The following GRM8 variants were observed in gnomAD, a reference collection of about 807,000 sequenced individuals.
GRM8 encodes glutamate metabotropic receptor 8.
A neutral mutation model predicts 87.2 loss-of-function variants in GRM8; 47 were observed. The observed-to-expected ratio is 0.54, with a 90% CI of 0.43 to 0.69. The LOEUF (loss-of-function observed/expected upper bound fraction) is 0.69. GRM8 is among the 30% of genes least tolerant of loss of function. The pLI is 0.00. For missense variants in GRM8, 1,019 were observed against 1,139.2 expected (o/e 0.89, Z 1.52); for synonymous variants, 396 against 404.5 (o/e 0.98, Z 0.25).
At chr7:127,033,788 C>A (rs1034748591) in intron 3 of GRM8, among the ~76,000 whole-genome samples, 1 of 152,170 alleles carries the variant, frequency 6.6e-6, no homozygotes, top group Non-Finnish European at 1.5e-5. Flanking sequence ...CAATCACCCT[C>A]ATATAAATTC....
At chr7:126,719,063 G>C (rs185743614) in intron 7 of GRM8, among the ~76,000 whole-genome samples, 12 of 152,274 alleles carry the variant, frequency 7.9e-5, no homozygotes, top group Admixed American at 7.8e-4. Flanking sequence ...TCAATTCTTA[G>C]ATTAGCTACT....
chr7:126,800,977 A>C (rs1465726972), intron 6 of GRM8, among the ~76,000 whole-genome samples: 1 of 152,106 alleles, frequency 6.6e-6, no homozygotes, highest in Non-Finnish European at 1.5e-5. Flanking sequence ...ATATGGAAAA[A>C]GCTGCTTAAA....
chr7:126,446,731 GT>G (rs1802062992), intron 9 of GRM8, among the ~76,000 whole-genome samples: 1 of 151,974 alleles, frequency 6.6e-6, no homozygotes, highest in African/African-American at 2.4e-5. Context: ...GAAGGTACTA[GT>G]GGGCCAAGTG....
At chr7:127,018,295 A>T (rs1253967743) in intron 3 of GRM8, among the ~76,000 whole-genome samples, 2 of 152,024 alleles carry the variant, frequency 1.3e-5, no homozygotes, top group Non-Finnish European at 2.9e-5. Context: ...ATAAAAAATA[A>T]TAATAAGGAA....
At chr7:127,018,574 C>T (rs1167646811) in intron 3 of GRM8, among the ~76,000 whole-genome samples, 1 of 151,958 alleles carries the variant, frequency 6.6e-6, no homozygotes, top group Non-Finnish European at 1.5e-5. Context: ...CAGAACCCCA[C>T]ATTTTTTAAG....
chr7:127,229,466 A>G (rs1313442888), intron 2 of GRM8: 1 of 152,226 alleles, frequency 6.6e-6, no homozygotes, highest in African/African-American at 2.4e-5. Context: ...CTACATGAAT[A>G]TAAATGAAAT....
intron 6 of GRM8, among the ~76,000 whole-genome samples, chr7:126,824,024 C>T (rs2130234822): frequency 6.6e-6 from 1 of 152,114 alleles, no homozygotes; most frequent in African/African-American, 2.4e-5. Flanking sequence ...TCTGTATTTG[C>T]ATAAAAATAA....
In GRM8 at chr7:126,685,711, C is replaced by T. The variant is rs907049253; in HGVS notation, c.1358-76213G>A. 1.1e-4 allele frequency among the ~76,000 whole-genome samples: 16 copies of T among 152,120 alleles called. No homozygotes were observed. Among genetic ancestry groups the T allele is most frequent in the Non-Finnish European group, 1.5e-5 (1 of 67,998 alleles). On this transcript the variant is annotated intron_variant, in intron 7 of 10. Coordinates refer to ENST00000339582, the MANE Select transcript of GRM8 (RefSeq NM_000845.3). This position sits in a 1 kb window ranked among gnomAD's most constrained non-coding sequence, Gnocchi z 4.2. ...TGTGGACAAGCACAGGAGGGAGGCA[C>T]AAGGGGTGCTGAGGACAGCGGGGTA...
chr7:126,912,796 A>AT (rs1803457384), intron 3 of GRM8, among the ~76,000 whole-genome samples: 1 of 152,186 alleles, frequency 6.6e-6, no homozygotes, highest in Non-Finnish European at 1.5e-5. Context: ...TGAAGATATC[A>AT]TTTTTCTGAA....
At chr7:127,175,240 A>G (rs1425539018) in intron 2 of GRM8, among the ~76,000 whole-genome samples, 1 of 152,208 alleles carries the variant, frequency 6.6e-6, no homozygotes, top group African/African-American at 2.4e-5. Context: ...TATGCCTTTT[A>G]TGGACTCCTC....
rs521 is a variant in GRM8, at chr7:126,532,764, G to GAT, written c.2430+186_2430+187dup. 5.7e-3 allele frequency among the ~76,000 whole-genome samples: 634 copies of GAT among 110,502 alleles called. 13 individuals carry two copies. The highest frequency in any genetic ancestry group is 7.9e-3 in the Non-Finnish European group (427 of 53,968). The allele number at this position is 110,502 out of a possible 152,430, so 72.5% of individuals were successfully genotyped here. A position where few individuals can be genotyped will look rare whatever the true frequency, so the allele number is the denominator to read the frequency against. ...AAGCAATGTGACCTTGACGGATGGA[G>GAT]ATATATATATATATATATATATATA... On this transcript the variant is annotated intron_variant, in intron 9 of 10. Coordinates refer to ENST00000339582, the MANE Select transcript of GRM8 (RefSeq NM_000845.3).
chr7:127,208,751 G>C lies in GRM8; in HGVS notation c.510+33944C>G, dbSNP rs371323435. 2.0e-5 allele frequency among the ~76,000 whole-genome samples: 3 copies of C among 152,086 alleles called. No homozygotes were observed. In the East Asian group the frequency reaches 5.8e-4, roughly 29 times the overall value. On this transcript the variant is annotated intron_variant, in intron 2 of 10. Transcript: ENST00000339582. ...CTTCAGTCCTCTAACCACTTGATTC[G>C]GTACACTTGATGTGATCTAGCATTA...
chr7:126,799,686 G>A (rs1421729773), intron 6 of GRM8, among the ~76,000 whole-genome samples: 1 of 152,128 alleles, frequency 6.6e-6, no homozygotes, highest in South Asian at 2.1e-4. Context: ...TCAGCTATTA[G>A]TAACCGAAGT....
chr7:126,891,047 A>G (rs1175021790), intron 6 of GRM8, among the ~76,000 whole-genome samples: 2 of 151,982 alleles, frequency 1.3e-5, no homozygotes, highest in Admixed American at 6.6e-5. Flanking sequence ...CCTTAAACTC[A>G]GTATCTCCCA....
intron 8 of GRM8, among the ~76,000 whole-genome samples, chr7:126,561,008 A>G (rs1254847725): frequency 6.6e-6 from 1 of 152,228 alleles, no homozygotes; most frequent in Non-Finnish European, 1.5e-5. Flanking sequence ...AGACTTGATT[A>G]GTCAGCTTTA....
At chr7:126,964,240 G>C (rs544412855) in intron 3 of GRM8, among the ~76,000 whole-genome samples, 17 of 152,000 alleles carry the variant, frequency 1.1e-4, no homozygotes, top group Non-Finnish European at 2.4e-4. Context: ...CAATACCATT[G>C]AGGACATAGG....
chr7:127,104,134 C>T (rs1190325308), intron 3 of GRM8, among the ~76,000 whole-genome samples: 2 of 152,070 alleles, frequency 1.3e-5, no homozygotes, highest in African/African-American at 4.8e-5. Context: ...TCTTAGCAAT[C>T]GATGTTGCTA....
rs75187176 is a variant in GRM8, at chr7:126,584,873, T to A, written c.1494+24489A>T. On this transcript the variant is annotated intron_variant, in intron 8 of 10. Coordinates refer to ENST00000339582, the MANE Select transcript of GRM8 (RefSeq NM_000845.3). ...AAAAATCATAGTCATTTTGAATAAT[T>A]TTTACATGTTTATTAAAACAATGGT... Among the ~76,000 whole-genome samples the A allele has an allele frequency of 3.4e-3, 513 of 152,300 alleles. 3 individuals are homozygous for A. The highest frequency in any genetic ancestry group is 0.011 in the African/African-American group (469 of 41,574).
intron 7 of GRM8, among the ~76,000 whole-genome samples, chr7:126,759,150 G>A (rs1817327881): frequency 2.0e-5 from 3 of 151,842 alleles, no homozygotes; most frequent in South Asian, 2.1e-4. Context: ...CACCCACCTC[G>A]GCCTCCCAAA....
Sources: gnomAD v4.1 joint callset for allele counts (sites outside exome capture counted in the v4.1 genomes callset) on GRCh38, gnomAD v4.1.1 for gene constraint, Gnocchi (gnomAD v3.1) non-coding constraint, MANE v1.5 for transcripts, NCBI Gene and HGNC (gene_info 2026-07-23, HGNC 2026-07-21) for gene names.